CACNA1C: variants seen among roughly 807,000 people sequenced by gnomAD.
CACNA1C encodes calcium voltage-gated channel subunit alpha1 C, also known as voltage-dependent L-type calcium channel subunit alpha-1C.
Under a neutral mutation model 229.0 loss-of-function variants are expected in CACNA1C, and 30 were observed. The ratio of observed to expected loss-of-function variants is 0.13; its 90% CI spans 0.10 to 0.18. The LOEUF (loss-of-function observed/expected upper bound fraction) is 0.18. Among genes scored for constraint, CACNA1C ranks in the 10% least tolerant of loss-of-function variants. CACNA1C has a pLI of 1.00. For missense variants in CACNA1C, 1,658 were observed against 2,845.0 expected, an observed-to-expected ratio of 0.58 and a Z score of 9.49; for synonymous variants, 1,114 against 1,132.5, an observed-to-expected ratio of 0.98 and a Z score of 0.33.
chr12:2,015,454 A>G (rs2045197339), intron 1 of CACNA1C, among the ~76,000 whole-genome samples: 1 of 152,158 alleles, frequency 6.6e-6, no homozygotes, highest in Non-Finnish European at 1.5e-5. Context: ...GGCAGGGATA[A>G]TTTGTAGGCA....
rs3216324 is a variant in CACNA1C at position 2,649,681 on chromosome 12, GT to G, written c.3945+1181del. Among the ~76,000 whole-genome samples the G allele has an allele frequency of 2.9e-5, 4 of 139,452 alleles. No individual in the cohort carries two copies. The highest frequency in any genetic ancestry group is 2.8e-4 in the Admixed American group (4 of 14,480). The allele number at this position is 139,452 out of a possible 152,430, so 91.5% of individuals were successfully genotyped here. A position where few individuals can be genotyped will look rare whatever the true frequency, so the allele number is the denominator to read the frequency against. The stretch of plus-strand genomic sequence containing the variant: ...AAGCTTGGTGTTTGGCGTTTTTTGG[GT>G]TTTTTTGTTTGTTTATTTTGTTTTT... On this transcript the variant is annotated intron_variant, in intron 31 of 46. Transcript: ENST00000399655. This position sits in a 1 kb window ranked among gnomAD's most constrained non-coding sequence, Gnocchi z 4.4.
At chr12:2,686,373 A>T in intron 45 of CACNA1C, 104 bp downstream of exon 45, 2 of 920,436 alleles carry the variant, frequency 2.2e-6, no homozygotes, top group Non-Finnish European at 1.8e-6. Flanking sequence ...TGCCTGTCTC[A>T]GATGGCTGGC....
intron 14 of CACNA1C, 21 bp downstream of exon 14, chr12:2,581,818 G>T: frequency 6.7e-7 from 1 of 1,488,910 alleles, no homozygotes; most frequent in Non-Finnish European, 9.4e-7. Context: ...TTCTCTGCTG[G>T]GATTCGGACT....
intron 30 of CACNA1C, among the ~76,000 whole-genome samples, chr12:2,644,214 A>G (rs992153199): frequency 2.0e-5 from 3 of 152,214 alleles, no homozygotes; most frequent in Non-Finnish European, 4.4e-5. Flanking sequence ...AATGGCAGCC[A>G]TTGGAATTGG....
chr12:2,569,041 C>T (rs1413857383), intron 13 of CACNA1C, among the ~76,000 whole-genome samples: 7 of 152,112 alleles, frequency 4.6e-5, no homozygotes, highest in East Asian at 1.9e-4. Context: ...GCTGAAAATG[C>T]GTTCAAGATC....
intron 3 of CACNA1C, among the ~76,000 whole-genome samples, chr12:2,220,120 C>T: frequency 6.6e-6 from 1 of 152,214 alleles, no homozygotes; most frequent in South Asian, 2.1e-4. Flanking sequence ...TGTTCTCCAA[C>T]TGGCAGTGCT....
chr12:2,324,718 G>A (rs1203758282), intron 3 of CACNA1C, among the ~76,000 whole-genome samples: 2 of 151,746 alleles, frequency 1.3e-5, no homozygotes, highest in East Asian at 1.9e-4. Context: ...AAATAAACAG[G>A]CCTCCATCAA....
At position 2,462,910 on chromosome 12, in the gene CACNA1C, A is replaced by ATTT. The variant is rs147569410; in HGVS notation, c.757+5222_757+5224dup. The stretch of plus-strand genomic sequence containing the variant: ...TAGTGTTAGAGGCCCCAAAAGTTGC[A>ATTT]TTTTTTTTTTTTTTTTTTTTGAGAC... On this transcript the variant is annotated intron_variant, in intron 5 of 46. Coordinates refer to ENST00000399655, the MANE Select transcript of CACNA1C (RefSeq NM_000719.7). Among the ~76,000 whole-genome samples the ATTT allele has an allele frequency of 8.4e-4, 102 of 120,938 alleles. 2 individuals are homozygous for ATTT. Among genetic ancestry groups the ATTT allele is most frequent in the African/African-American group, 2.8e-3 (88 of 31,994 alleles). 79.3% of individuals were successfully genotyped at this position (120,938 alleles called of 152,430 possible).
At chr12:2,307,953 T>G (rs1381660192) in intron 3 of CACNA1C, among the ~76,000 whole-genome samples, 1 of 152,162 alleles carries the variant, frequency 6.6e-6, no homozygotes, top group Non-Finnish European at 1.5e-5. Flanking sequence ...AGATTATGAT[T>G]TAGGAGGTCT....
Position 2,504,788 on chromosome 12 carries a change from T to A in CACNA1C, c.1114-54T>A, listed in dbSNP as rs1264977393. The A allele has an allele frequency of 9.1e-6, 10 of 1,104,114 alleles. No individual in the cohort carries two copies. The highest frequency in any genetic ancestry group is 1.8e-5 in the Admixed American group (1 of 56,352). 68.4% of individuals were successfully genotyped at this position (1,104,114 alleles called of 1,614,324 possible). ...TGTCTCGGGAGCCGGGGACCGGCAC[T>A]GGCCGTGCTCGGTTGCTGAGTGTGC... On this transcript the variant is annotated intron_variant, in intron 7 of 46. Transcript: ENST00000399655. This position sits in a 1 kb window ranked among gnomAD's most constrained non-coding sequence, Gnocchi z 6.8.
intron 1 of CACNA1C, among the ~76,000 whole-genome samples, chr12:2,061,827 C>T (rs181734701): frequency 7.2e-5 from 11 of 152,270 alleles, no homozygotes; most frequent in East Asian, 1.9e-4. Flanking sequence ...TACAGGAGGA[C>T]GGGCTGGAAA....
chr12:2,093,301 C>T (rs956172040), intron 1 of CACNA1C, among the ~76,000 whole-genome samples: 2 of 152,184 alleles, frequency 1.3e-5, no homozygotes, highest in African/African-American at 2.4e-5. Flanking sequence ...CCTCCCACTC[C>T]CCTGTACCAG....
chr12:2,185,250 C>G (rs894077525), intron 3 of CACNA1C, among the ~76,000 whole-genome samples: 1 of 152,198 alleles, frequency 6.6e-6, no homozygotes, highest in African/African-American at 2.4e-5. Context: ...AGGAGTTGTT[C>G]TGCAGGAGAG....
chr12:2,096,293 T>A (rs2073935039), intron 1 of CACNA1C, among the ~76,000 whole-genome samples: 1 of 152,240 alleles, frequency 6.6e-6, no homozygotes, highest in African/African-American at 2.4e-5. Flanking sequence ...GAAAACAATT[T>A]ATGACCAGAA....
chr12:2,004,746 C>A (rs1050939221), intron 1 of CACNA1C: 16 of 368,542 alleles, frequency 4.3e-5, no homozygotes, highest in African/African-American at 3.0e-4. Context: ...GGTAGGATTT[C>A]CTTCTTGGAT....
intron 3 of CACNA1C, among the ~76,000 whole-genome samples, chr12:2,151,262 ATTTT>A (rs113212437): frequency 6.8e-6 from 1 of 147,592 alleles, no homozygotes; most frequent in African/African-American, 2.5e-5. Context: ...GCACAGTAAG[ATTTT>A]TTTTTTTATT....
chr12:2,409,922 A>G (rs2098787240), intron 3 of CACNA1C, among the ~76,000 whole-genome samples: 1 of 152,192 alleles, frequency 6.6e-6, no homozygotes, highest in Non-Finnish European at 1.5e-5. Flanking sequence ...CTAGGAGGAA[A>G]ATGGGGCAGG....
intron 3 of CACNA1C, among the ~76,000 whole-genome samples, chr12:2,158,108 A>G (rs144414669): frequency 3.9e-4 from 59 of 152,340 alleles, no homozygotes; most frequent in African/African-American, 1.2e-4. Context: ...AGAGATAACT[A>G]CAAAAACAGA....
chr12:2,140,089 C>T (rs1055239875), intron 3 of CACNA1C, among the ~76,000 whole-genome samples: 1 of 151,270 alleles, frequency 6.6e-6, no homozygotes. Flanking sequence ...CTTTGGAGGG[C>T]GTCCCTCCCT....
Sources: gnomAD v4.1 joint callset for allele counts (sites outside exome capture counted in the v4.1 genomes callset) on GRCh38, gnomAD v4.1.1 for gene constraint, Gnocchi (gnomAD v3.1) non-coding constraint, MANE v1.5 for transcripts, NCBI Gene and HGNC (gene_info 2026-07-23, HGNC 2026-07-21) for gene names.